OGA: variants seen among roughly 807,000 people sequenced by gnomAD.
OGA encodes O-GlcNAcase.
A neutral mutation model predicts 102.0 loss-of-function variants in OGA; 21 were observed. The ratio of observed to expected loss-of-function variants is 0.21; its 90% confidence interval spans 0.15 to 0.30. OGA has a LOEUF of 0.30. Among genes scored for constraint, OGA ranks in the 10% least tolerant of loss-of-function variants. OGA has a pLI of 1.00. For missense variants in OGA, 765 were observed against 1,107.8 expected (o/e 0.69, Z 4.39); for synonymous variants, 408 against 378.2 (o/e 1.08, Z -0.91).
At chr10:101,793,796 T>G in intron 11 of OGA, 117 bp downstream of exon 11, 1 of 714,160 alleles carries the variant, frequency 1.4e-6, no homozygotes, top group South Asian at 1.8e-5. Flanking sequence ...GTAACTAAAT[T>G]GAATTTGGGA....
intron 1 of OGA, among the ~76,000 whole-genome samples, chr10:101,814,218 A>G (rs1173437662): frequency 6.6e-6 from 1 of 152,064 alleles, no homozygotes; most frequent in Non-Finnish European, 1.5e-5. Context: ...AATCCCAGCT[A>G]TTTGGGAGGC....
Position 101,806,241 on chromosome 10 carries a change from T to G in OGA, c.653-98A>C. 4.2e-6 allele frequency: 3 copies of G among 717,324 alleles called. No homozygotes were observed. In the South Asian group the frequency reaches 4.5e-5, roughly 11 times the overall value. 44.4% of individuals were successfully genotyped at this position (717,324 alleles called of 1,614,324 possible). ...CTTTGAGACGGAGTCTCACTCTTGA[T>G]GCCCAGGCTAGAGTGCAGTGGCACG... On this transcript the variant is annotated intron_variant, in intron 5 of 15. Transcript: ENST00000361464.
At chr10:101,803,602 A>G in intron 7 of OGA, 133 bp downstream of exon 7, 1 of 1,004,728 alleles carries the variant, frequency 1.0e-6, no homozygotes, top group Non-Finnish European at 1.4e-6. Flanking sequence ...CCTCCTTAGT[A>G]AAACAAAATA....
rs2065189093 is a variant in OGA, at chr10:101,786,247, A to G, written c.*204T>C. The G allele has an allele frequency of 4.5e-6, 2 of 442,452 alleles. No homozygotes were observed. The highest frequency in any genetic ancestry group is 4.4e-5 in the Admixed American group (1 of 22,570). The allele number at this position is 442,452 out of a possible 1,614,324, so 27.4% of individuals were successfully genotyped here. The stretch of plus-strand genomic sequence containing the variant: ...AAAAGGAAGCCCACATCTCTCTTTC[A>G]TACAGGATTTGCTGCAATACTATAT... On this transcript the variant is annotated 3_prime_UTR_variant, in exon 16 of 16. Transcript: ENST00000361464.
At position 101,818,003 on chromosome 10, in the gene OGA, T is replaced by C; in HGVS notation, c.20A>G (p.Gln7Arg). Residue 7 changes from glutamine (Q) to arginine (R), a missense_variant, in exon 1 of 16, where the codon CAA becomes CGA. Coordinates refer to ENST00000361464, the MANE Select transcript of OGA (RefSeq NM_012215.5). The stretch of plus-strand genomic sequence containing the variant: ...GCTCTCCCGCTCCTCCAACGTCGCT[T>C]GACTCTCCTTCTGCACCATCCTCCT... MVQKES[Q>R]ATLEERESEL... The C allele has an allele frequency of 6.2e-7, 1 of 1,602,836 alleles. No individual in the cohort carries two copies. The highest frequency in any genetic ancestry group is 8.5e-7 in the Non-Finnish European group (1 of 1,172,332).
intron 10 of OGA, among the ~76,000 whole-genome samples, chr10:101,795,537 A>G (rs2065304015): frequency 6.6e-6 from 1 of 152,268 alleles, no homozygotes; most frequent in Non-Finnish European, 1.5e-5. Context: ...AGTACTGCAT[A>G]GCCACATTGT....
Position 101,817,886 on chromosome 10 carries a change from C to G in OGA, c.137G>C (p.Gly46Ala), listed in dbSNP as rs3740421. The G allele has an allele frequency of 2.4e-5, 37 of 1,556,744 alleles. No individual in the cohort carries two copies. The South Asian group carries it at 3.7e-4, about 16-fold the overall frequency. Residue 46 changes from glycine to alanine, a missense_variant, in exon 1 of 16, where the codon GGG becomes GCG. By Grantham distance (60) the Gly-to-Ala change is moderately conservative. This residue lies in a region of OGA where 117 missense variants were observed against 85.7 expected (regional missense o/e 1.36). Coordinates refer to ENST00000361464, the MANE Select transcript of OGA (RefSeq NM_012215.5). Reference sequence around the variant, plus strand: ...TGCAGCCCCGGCCACCGCCGCTCCCCCAGCCCCGGCGGGGTTGTCTTCTCC... The same window carrying G: ...TGCAGCCCCGGCCACCGCCGCTCCCGCAGCCCCGGCGGGGTTGTCTTCTCC... ...APGEDNPAGA[G>A]GAAVAGAAGG...
chr10:101,798,775 C>A (rs2065352308), intron 9 of OGA, 67 bp downstream of exon 9: 4 of 1,524,938 alleles, frequency 2.6e-6, no homozygotes, highest in Admixed American at 2.0e-5. Context: ...CATTTAAGAA[C>A]CTTTTCCACA....
Position 101,803,965 on chromosome 10 carries a change from T to C in OGA, c.806A>G (p.Lys269Arg). Residue 269 changes from lysine to arginine, a missense_variant, in exon 7 of 16, where the codon AAG becomes AGG. By Grantham distance (26) the Lys-to-Arg change is conservative. Transcript: ENST00000361464. The part of the protein sequence containing the change: ...IPVESIEEVS[K>R]IIKRAPVIWD... ...GATTACTGGAGCTCTCTTAATAATC[T>C]TAGAAACCTCTTCGATGGACTCTAC... 2 of 1,613,930 alleles carry C rather than the reference T, an allele frequency of 1.2e-6. No individual in the cohort carries two copies. The highest frequency in any genetic ancestry group is 1.7e-6 in the Non-Finnish European group (2 of 1,179,810).
chr10:101,818,285 C>G lies in OGA; in HGVS notation c.-263G>C. On this transcript the variant is annotated 5_prime_UTR_variant, in exon 1 of 16. Coordinates refer to ENST00000361464, the MANE Select transcript of OGA (RefSeq NM_012215.5). ...CCAGAAGCCTAAGCGGAGAGCGAGGCTGTGACCTCTCGTTCCCTGGAAGAA... is the reference window on the plus strand; with the variant it reads ...CCAGAAGCCTAAGCGGAGAGCGAGGGTGTGACCTCTCGTTCCCTGGAAGAA... The G allele has an allele frequency of 7.9e-7, 1 of 1,262,932 alleles. No homozygotes were observed. The highest frequency in any genetic ancestry group is 1.0e-6 in the Non-Finnish European group (1 of 1,001,738). 78.2% of individuals were successfully genotyped at this position (1,262,932 alleles called of 1,614,324 possible).
rs3180468 is a variant in OGA, at chr10:101,793,925, T to A, written c.2058A>T (p.Ala686=). Residue 686 remains alanine (A), a synonymous_variant, in exon 11 of 16, where the codon GCA becomes GCT. Coordinates refer to ENST00000361464, the MANE Select transcript of OGA (RefSeq NM_012215.5). ...QEPWAFRGGL[A]GEFQRLLPID... ...TTCATATTGATACCTGGAACTCTCCTGCTAGACCACCTCTAAAGGCCCAGG... is the reference window on the plus strand; with the variant it reads ...TTCATATTGATACCTGGAACTCTCCAGCTAGACCACCTCTAAAGGCCCAGG... 2 of 1,610,180 alleles carry A rather than the reference T, an allele frequency of 1.2e-6. No homozygotes were observed. The highest frequency in any genetic ancestry group is 1.7e-6 in the Non-Finnish European group (2 of 1,176,472).
intron 5 of OGA, 83 bp downstream of exon 5, chr10:101,807,647 G>A (rs1414555578): frequency 3.7e-5 from 35 of 956,972 alleles, no homozygotes; most frequent in Non-Finnish European, 4.6e-5. Flanking sequence ...GGAGGGAAGT[G>A]GAGAGAGAAT....
Position 101,800,309 on chromosome 10 carries a change from T to C in OGA, c.1128A>G (p.Pro376=). The C allele has an allele frequency of 6.2e-7, 1 of 1,613,892 alleles. No individual in the cohort carries two copies. Among genetic ancestry groups the C allele is most frequent in the Non-Finnish European group, 8.5e-7 (1 of 1,179,716 alleles). Residue 376 remains proline, a synonymous_variant, in exon 8 of 16, where the codon CCA becomes CCG. Coordinates refer to ENST00000361464, the MANE Select transcript of OGA (RefSeq NM_012215.5). ...EDIETDVLYS[P]QMALKLALTE... The stretch of plus-strand genomic sequence containing the variant: ...TTAATGCTAGCTTTAGAGCCATCTG[T>C]GGACTATAGAGTACATCAGTTTCAA...
At chr10:101,797,888 G>T in intron 10 of OGA, 92 bp downstream of exon 10, 2 of 1,277,420 alleles carry the variant, frequency 1.6e-6, no homozygotes, top group Non-Finnish European at 2.3e-6. Flanking sequence ...TTGGAAATGT[G>T]CCAATTCCCT....
Position 101,807,908 on chromosome 10 carries a change from GAA to G in OGA, c.481-9_481-8del, listed in dbSNP as rs372242564. On this transcript the variant is annotated splice_polypyrimidine_tract_variant and splice_region_variant and intron_variant, in intron 4 of 15. Transcript: ENST00000361464. The stretch of plus-strand genomic sequence containing the variant: ...TGCACCCAAACTGAGAAACCTAGGA[GAA>G]AAAAAAAAAAAAGAATCAAGAGTAA... 5,634 of 1,159,444 alleles carry G rather than the reference GAA, an allele frequency of 4.9e-3. No individual in the cohort carries two copies. Among genetic ancestry groups the G allele is most frequent in the South Asian group, 0.014 (653 of 46,800 alleles). 71.8% of individuals were successfully genotyped at this position (1,159,444 alleles called of 1,614,324 possible).
At chr10:101,812,927 CAAAATA>C (rs755210461) in intron 3 of OGA, 97 bp downstream of exon 3, 28 of 986,240 alleles carry the variant, frequency 2.8e-5, no homozygotes, top group Non-Finnish European at 4.2e-5. Flanking sequence ...AAACTACCTA[CAAAATA>C]AAAATAAAAT....
At chr10:101,788,568 CT>C (rs1233202797) in intron 14 of OGA, among the ~76,000 whole-genome samples, 2 of 151,646 alleles carry the variant, frequency 1.3e-5, no homozygotes, top group African/African-American at 4.8e-5. Flanking sequence ...AACCCCGTAT[CT>C]AGTAAAAATA....
chr10:101,814,904 T>C (rs1357194497), intron 1 of OGA, among the ~76,000 whole-genome samples: 1 of 152,196 alleles, frequency 6.6e-6, no homozygotes, highest in African/African-American at 2.4e-5. Flanking sequence ...ATCAAACTGG[T>C]ATCTGGAACT....
At chr10:101,798,639 C>T (rs2065349734) in intron 9 of OGA, among the ~76,000 whole-genome samples, 1 of 152,128 alleles carries the variant, frequency 6.6e-6, no homozygotes, top group African/African-American at 2.4e-5. Flanking sequence ...ATCTCAAACT[C>T]CTGACCTCAG....
Sources: gnomAD v4.1 joint callset for allele counts (sites outside exome capture counted in the v4.1 genomes callset) on GRCh38, gnomAD v4.1.1 for gene constraint, gnomAD v4.1.1 regional missense constraint, MANE v1.5 for transcripts, NCBI Gene and HGNC (gene_info 2026-07-23, HGNC 2026-07-21) for gene names.